The following NT5C2 variants were observed in gnomAD, a reference collection of about 807,000 sequenced individuals.
The protein encoded by NT5C2 is 5'-nucleotidase, cytosolic II.
NT5C2 carries 58 observed loss-of-function variants against 76.1 expected under a neutral mutation model. The observed-to-expected ratio is 0.76, with a 90% CI of 0.62 to 0.95. The LOEUF (loss-of-function observed/expected upper bound fraction) is 0.95. Ranked by LOEUF, NT5C2 falls within the 40% of genes least tolerant of loss-of-function variation. The pLI is 0.00. For missense variants in NT5C2, 478 were observed against 690.3 expected (o/e 0.69, Z 3.45); for synonymous variants, 229 against 237.4 (o/e 0.96, Z 0.32).
intron 3 of NT5C2, among the ~76,000 whole-genome samples, chr10:103,170,769 C>T (rs539671440): frequency 3.3e-5 from 5 of 151,938 alleles, no homozygotes; most frequent in African/African-American, 7.3e-5. Context: ...TCAAGGACTC[C>T]GCCTGGCTCG....
chr10:103,093,775 T>A, intron 14 of NT5C2, 197 bp downstream of exon 14: 1 of 508,622 alleles, frequency 2.0e-6, no homozygotes, highest in Non-Finnish European at 3.5e-6. Flanking sequence ...TTAGTGAAAA[T>A]CAGATTCATT....
At chr10:103,131,077 G>A (rs2078083740) in intron 4 of NT5C2, among the ~76,000 whole-genome samples, 1 of 152,176 alleles carries the variant, frequency 6.6e-6, no homozygotes. Flanking sequence ...AGTGTGATAA[G>A]GATCATGAGC....
Position 103,134,684 on chromosome 10 carries a change from C to G in NT5C2, c.175+4722G>C, listed in dbSNP as rs540851632. Reference sequence around the variant, plus strand: ...GCTGTGAGAAGAGGATCACCGTCCTCCAGACCCCAGAATAATAGATCCACT... The same window carrying G: ...GCTGTGAGAAGAGGATCACCGTCCTGCAGACCCCAGAATAATAGATCCACT... On this transcript the variant is annotated intron_variant, in intron 4 of 18. Transcript: ENST00000404739. Among the ~76,000 whole-genome samples the G allele has an allele frequency of 2.6e-5, 4 of 152,278 alleles. No individual in the cohort carries two copies. In the East Asian group the frequency reaches 7.7e-4, roughly 29 times the overall value.
chr10:103,130,155 C>A (rs966171314), intron 4 of NT5C2, among the ~76,000 whole-genome samples: 1 of 151,732 alleles, frequency 6.6e-6, no homozygotes, highest in African/African-American at 2.4e-5. Flanking sequence ...GGATGGTTAC[C>A]GTGTCTGTGT....
At position 103,105,283 on chromosome 10, in the gene NT5C2, T is replaced by C. The variant is rs542351533; in HGVS notation, c.389+423A>G. 8 of 276,688 alleles carry C rather than the reference T, an allele frequency of 2.9e-5. No individual in the cohort carries two copies. The Admixed American group carries it at 3.3e-4, about 11-fold the overall frequency. The allele number at this position is 276,688 out of a possible 1,614,324, so 17.1% of individuals were successfully genotyped here. A position where few individuals can be genotyped will look rare whatever the true frequency, so the allele number is the denominator to read the frequency against. ...GATTCATTAGAATCTAAAAAACGTA[T>C]TGGCTATTAAAAATCTCTTAATCAT... On this transcript the variant is annotated intron_variant, in intron 6 of 18. Coordinates refer to ENST00000404739, the MANE Select transcript of NT5C2 (RefSeq NM_001351169.2).
intron 4 of NT5C2, among the ~76,000 whole-genome samples, chr10:103,116,587 C>CCT (rs2074393405): frequency 7.9e-6 from 1 of 126,228 alleles, no homozygotes; most frequent in African/African-American, 3.0e-5. Context: ...TTTTTTTTTT[C>CCT]TTTTTTTTTT....
intron 1 of NT5C2, among the ~76,000 whole-genome samples, chr10:103,184,507 T>C (rs1359253447): frequency 6.6e-6 from 1 of 152,208 alleles, no homozygotes; most frequent in Non-Finnish European, 1.5e-5. Context: ...TGTCAATCTC[T>C]CCAAAATATA....
intron 4 of NT5C2, among the ~76,000 whole-genome samples, chr10:103,137,464 G>GT (rs2079514778): frequency 1.3e-5 from 2 of 152,274 alleles, no homozygotes; most frequent in Admixed American, 1.3e-4. Flanking sequence ...AATCATGACC[G>GT]TATCTATGTA....
At chr10:103,097,425 C>T (rs373081762) in intron 10 of NT5C2, 51 bp from the exon 11 acceptor site, 15 of 1,460,106 alleles carry the variant, frequency 1.0e-5, no homozygotes, top group Middle Eastern at 1.7e-4. Flanking sequence ...TTTATCTTTA[C>T]ACTTTGGAGT....
intron 4 of NT5C2, among the ~76,000 whole-genome samples, chr10:103,122,754 G>A (rs1393810519): frequency 1.3e-5 from 2 of 152,082 alleles, no homozygotes; most frequent in Admixed American, 1.3e-4. Context: ...ACGAGGAAAG[G>A]AACATCCTTA....
In NT5C2 at chr10:103,099,997, C is replaced by G; in HGVS notation, c.562G>C (p.Gly188Arg). The change falls in exon 9 of 19, where the codon GGG (glycine) becomes CGG (arginine). Residue 188 changes from glycine to arginine, a missense_variant. Gly to Arg is a moderately radical substitution (Grantham distance 125). Transcript: ENST00000404739. Reference sequence around the variant, plus strand: ...CTCCGGTAGGACATGAAGAGGTCCCCATCTTTAAATCCTGTTTCACAACTA... The same window carrying G: ...CTCCGGTAGGACATGAAGAGGTCCCGATCTTTAAATCCTGTTTCACAACTA... ...YTSCETGFKDGDLFMSYRSMF... is the reference protein window; with the variant it reads ...YTSCETGFKDRDLFMSYRSMF... 1 of 1,610,826 alleles carries G rather than the reference C, an allele frequency of 6.2e-7. No individual in the cohort carries two copies.
chr10:103,190,671 C>T (rs1466738494), intron 1 of NT5C2, among the ~76,000 whole-genome samples: 1 of 152,142 alleles, frequency 6.6e-6, no homozygotes, highest in Non-Finnish European at 1.5e-5. Context: ...CTACAAAATC[C>T]GGGCCCTTAA....
intron 13 of NT5C2, 100 bp downstream of exon 13, chr10:103,094,247 TA>T (rs60341061): frequency 0.022 from 13,754 of 615,766 alleles, no homozygotes; most frequent in South Asian, 0.035. Flanking sequence ...TACGGCTAAT[TA>T]AAAAAAAAAA....
chr10:103,111,910 G>A, intron 4 of NT5C2: 1 of 681,780 alleles, frequency 1.5e-6, no homozygotes, highest in Non-Finnish European at 2.1e-6. Flanking sequence ...TTGGAAATTG[G>A]TATTTACAGG....
chr10:103,187,939 T>C (rs1373725897), intron 1 of NT5C2, among the ~76,000 whole-genome samples: 2 of 152,234 alleles, frequency 1.3e-5, no homozygotes, highest in Non-Finnish European at 2.9e-5. Context: ...TTCTACAATA[T>C]TCTGACCCAA....
intron 3 of NT5C2, among the ~76,000 whole-genome samples, chr10:103,155,084 T>A (rs982570608): frequency 5.9e-5 from 9 of 152,186 alleles, no homozygotes; most frequent in African/African-American, 2.2e-4. Context: ...TCAAACTCCA[T>A]GCATACATTA....
At chr10:103,100,346 T>A (rs969183675) in intron 8 of NT5C2, among the ~76,000 whole-genome samples, 1 of 152,208 alleles carries the variant, frequency 6.6e-6, no homozygotes, top group African/African-American at 2.4e-5. Flanking sequence ...AACTTAAAAT[T>A]GGTCATTTAG....
At chr10:103,124,853 T>A (rs1006072117) in intron 4 of NT5C2, among the ~76,000 whole-genome samples, 4 of 135,078 alleles carry the variant, frequency 3.0e-5, no homozygotes, top group Admixed American at 7.6e-5. Flanking sequence ...GGGACTTATA[T>A]TTAATATTAA....
intron 3 of NT5C2, among the ~76,000 whole-genome samples, chr10:103,155,675 C>G (rs2083223112): frequency 6.6e-6 from 1 of 152,072 alleles, no homozygotes; most frequent in Non-Finnish European, 1.5e-5. Context: ...GGTGACAGAG[C>G]AAGACCCAGT....
Sources: allele counts gnomAD v4.1 joint callset (sites outside exome capture counted in the v4.1 genomes callset), GRCh38; gene constraint gnomAD v4.1.1; transcripts MANE v1.5; gene names NCBI Gene and HGNC (gene_info 2026-07-23, HGNC 2026-07-21).